The following WWC1 variants were observed in gnomAD, a reference collection of about 807,000 sequenced individuals.
WWC1 encodes the protein protein KIBRA.
A neutral mutation model predicts 138.4 loss-of-function variants in WWC1; 55 were observed. That is an observed-to-expected ratio of 0.40 (90% CI 0.32 to 0.50). The LOEUF (loss-of-function observed/expected upper bound fraction) is 0.50, where lower values mean the gene tolerates loss of function less well. Among genes scored for constraint, WWC1 ranks in the 20% least tolerant of loss-of-function variants. WWC1 has a pLI of 0.72. For missense variants in WWC1, 1,226 were observed against 1,420.4 expected (o/e 0.86, Z 2.20); for synonymous variants, 524 against 564.9 (o/e 0.93, Z 1.03).
At chr5:168,427,931 A>T in intron 11 of WWC1, 102 bp from the exon 12 acceptor site, 1 of 917,302 alleles carries the variant, frequency 1.1e-6, no homozygotes, top group South Asian at 1.5e-5. Context: ...ACTGCACTCC[A>T]GCCTGGATGA....
chr5:168,453,848 T>C, intron 17 of WWC1, 120 bp from the exon 18 acceptor site: 1 of 1,507,850 alleles, frequency 6.6e-7, no homozygotes, highest in South Asian at 1.3e-5. Context: ...CCCCAAAACT[T>C]TTTAAAATAT....
intron 2 of WWC1, among the ~76,000 whole-genome samples, chr5:168,373,860 CAG>C (rs1223849266): frequency 6.7e-6 from 1 of 148,966 alleles, no homozygotes; most frequent in Non-Finnish European, 1.5e-5. Context: ...TTCTGGCTAA[CAG>C]AGTGAAACCC....
chr5:168,433,244 C>A (rs773335601), intron 15 of WWC1, among the ~76,000 whole-genome samples: 8 of 152,248 alleles, frequency 5.3e-5, no homozygotes, highest in Non-Finnish European at 1.2e-4. Flanking sequence ...GGAGCTCTGG[C>A]TAAATGCAGA....
intron 1 of WWC1, among the ~76,000 whole-genome samples, chr5:168,355,045 G>A (rs149721644): frequency 6.6e-6 from 1 of 152,326 alleles, no homozygotes; most frequent in African/African-American, 2.4e-5. Context: ...CAGGGCCTGT[G>A]TTTGGTCATA....
At chr5:168,318,305 T>A (rs192178374) in intron 1 of WWC1, among the ~76,000 whole-genome samples, 1,534 of 152,278 alleles carry the variant, frequency 0.01, 11 homozygotes, top group Middle Eastern at 0.017. Flanking sequence ...GTTTACTTTT[T>A]AAAAATTTAT....
chr5:168,421,957 A>G (rs1379760984), intron 9 of WWC1, 51 bp from the exon 10 acceptor site: 2 of 1,523,688 alleles, frequency 1.3e-6, no homozygotes, highest in Non-Finnish European at 1.8e-6. Flanking sequence ...GTAAGAGTGC[A>G]TGCCTGTGCT....
At chr5:168,391,240 A>G (rs1778461583) in intron 3 of WWC1, among the ~76,000 whole-genome samples, 3 of 152,134 alleles carry the variant, frequency 2.0e-5, no homozygotes, top group Non-Finnish European at 4.4e-5. Flanking sequence ...TTCTAGTTAA[A>G]AATGCCAGTT....
chr5:168,441,637 C>A, intron 15 of WWC1, 45 bp from the exon 16 acceptor site: 2 of 1,585,514 alleles, frequency 1.3e-6, no homozygotes, highest in Non-Finnish European at 1.7e-6. Context: ...CACCTGGTGT[C>A]CCCCCCACCG....
chr5:168,356,106 G>A (rs937542421), intron 1 of WWC1, among the ~76,000 whole-genome samples: 1 of 152,252 alleles, frequency 6.6e-6, no homozygotes, highest in Non-Finnish European at 1.5e-5. Context: ...GACATGGAGA[G>A]TGAACAGCAA....
intron 17 of WWC1, among the ~76,000 whole-genome samples, chr5:168,448,742 C>T (rs904794555): frequency 2.0e-5 from 3 of 151,758 alleles, no homozygotes; most frequent in African/African-American, 7.3e-5. Flanking sequence ...CCTCATCCTC[C>T]TGGGTAGCTG....
intron 1 of WWC1, among the ~76,000 whole-genome samples, chr5:168,356,269 G>C (rs10052800): frequency 0.014 from 2,163 of 152,350 alleles, 50 homozygotes; most frequent in African/African-American, 0.048. Context: ...GCAAAGGAAT[G>C]CACACTTCTT....
chr5:168,436,257 A>T (rs1455268472), intron 15 of WWC1, among the ~76,000 whole-genome samples: 3 of 152,006 alleles, frequency 2.0e-5, no homozygotes, highest in Middle Eastern at 3.2e-3. Flanking sequence ...TACATTTGCC[A>T]CAGTTGCTGA....
intron 1 of WWC1, among the ~76,000 whole-genome samples, chr5:168,310,053 G>A (rs1770925748): frequency 6.6e-6 from 1 of 152,174 alleles, no homozygotes; most frequent in African/African-American, 2.4e-5. Context: ...CCCTTGGGGT[G>A]CTGGGGGACA....
rs2152839197 is a variant in WWC1, at chr5:168,408,590, T to A, written c.804T>A (p.Ser268Arg). The A allele has an allele frequency of 6.2e-7, 1 of 1,613,950 alleles. No individual in the cohort carries two copies. Among genetic ancestry groups the A allele is most frequent in the Non-Finnish European group, 8.5e-7 (1 of 1,179,972 alleles). Residue 268 changes from serine (S) to arginine (R), a missense_variant, in exon 7 of 23, where the codon AGT (serine) becomes AGA (arginine). Ser to Arg is a moderately radical substitution (Grantham distance 110). Around this residue, in one of 3 missense-constraint regions of WWC1, gnomAD observed 1,016 missense variants for 1,153.9 expected, o/e 0.88. Coordinates refer to ENST00000265293, the MANE Select transcript of WWC1 (RefSeq NM_015238.3). ...GGTCCAGCAGCAGCTCTCTGGAGAG[T>A]TCGAGTTTCCCGCTACCGAAACAGT... The part of the protein sequence containing the change: ...DLWSSSSSLE[S>R]SSFPLPKQYL...
At chr5:168,303,663 C>T (rs1031168707) in intron 1 of WWC1, among the ~76,000 whole-genome samples, 3 of 152,012 alleles carry the variant, frequency 2.0e-5, no homozygotes, top group Non-Finnish European at 1.5e-5. Flanking sequence ...TCCAGAAGAC[C>T]GAAGGGACTT....
At chr5:168,414,266 G>A in intron 8 of WWC1, 82 bp from the exon 9 acceptor site, 1 of 1,540,660 alleles carries the variant, frequency 6.5e-7, no homozygotes, top group Non-Finnish European at 8.8e-7. Context: ...AGATTGCTCT[G>A]AGATGTCTGT....
intron 3 of WWC1, among the ~76,000 whole-genome samples, chr5:168,390,406 C>T (rs556166498): frequency 6.6e-6 from 1 of 152,152 alleles, no homozygotes; most frequent in African/African-American, 2.4e-5. Context: ...GATATGACTT[C>T]CAGACACTCC....
intron 1 of WWC1, among the ~76,000 whole-genome samples, chr5:168,344,029 A>G (rs1454645251): frequency 1.3e-5 from 2 of 152,104 alleles, no homozygotes; most frequent in Admixed American, 6.5e-5. Context: ...CTGACAAGCT[A>G]TCATGCAGCT....
chr5:168,442,849 A>G (rs1303241680), intron 16 of WWC1, among the ~76,000 whole-genome samples: 2 of 151,898 alleles, frequency 1.3e-5, no homozygotes, highest in African/African-American at 4.8e-5. Flanking sequence ...AAAAAAAAAA[A>G]AAAGAAAAGA....
Sources: allele counts gnomAD v4.1 joint callset (sites outside exome capture counted in the v4.1 genomes callset), GRCh38; gene constraint gnomAD v4.1.1; regional missense constraint gnomAD v4.1.1; transcripts MANE v1.5; gene names NCBI Gene and HGNC (gene_info 2026-07-23, HGNC 2026-07-21).